UNC93B1: variants seen among roughly 807,000 people sequenced by gnomAD.
UNC93B1 encodes the protein unc-93B1 regulator of TLR signaling.
A neutral mutation model predicts 56.8 loss-of-function variants in UNC93B1; 33 were observed. The ratio of observed to expected loss-of-function variants is 0.58; its 90% CI spans 0.44 to 0.78. The LOEUF (loss-of-function observed/expected upper bound fraction) is 0.78. UNC93B1 is among the 30% of genes least tolerant of loss of function. UNC93B1 has a pLI of 0.00. For missense variants in UNC93B1, 673 were observed against 819.5 expected, an observed-to-expected ratio of 0.82 and a Z score of 2.18; for synonymous variants, 334 against 358.6, an observed-to-expected ratio of 0.93 and a Z score of 0.77.
chr11:68,000,217 C>T (rs1857024072), intron 3 of UNC93B1, among the ~76,000 whole-genome samples: 1 of 152,196 alleles, frequency 6.6e-6, no homozygotes, highest in Non-Finnish European at 1.5e-5. Context: ...ATAGAAGGGG[C>T]TTGGTGAGTG....
Position 67,999,514 on chromosome 11 carries a change from C to T in UNC93B1, c.554+5G>A, listed in dbSNP as rs1857008358. 2 of 1,548,586 alleles carry T rather than the reference C, an allele frequency of 1.3e-6. No homozygotes were observed. Among genetic ancestry groups the T allele is most frequent in the Non-Finnish European group, 1.7e-6 (2 of 1,145,128 alleles). ...GCCTCCTGCCCTGCTGCCCACCAGG[C>T]TCACCTGGTGATGTAGTTGCCCATG... On this transcript the variant is annotated splice_donor_5th_base_variant and intron_variant, in intron 4 of 10. Coordinates refer to ENST00000227471, the MANE Select transcript of UNC93B1 (RefSeq NM_030930.4).
At chr11:68,002,711 C>T (rs888441262) in intron 3 of UNC93B1, among the ~76,000 whole-genome samples, 15 of 152,192 alleles carry the variant, frequency 9.9e-5, no homozygotes, top group African/African-American at 3.4e-4. Context: ...CTGAAGGCCA[C>T]AGTGGCTCTG....
rs1857094857 is a variant in UNC93B1 at position 68,004,051 on chromosome 11, A to G, written c.-8T>C. ...CGGCGGCTCCGCCTCCATGGCCCGAACTACTGCGGACTCGCGGCGGTCGCC... is the reference window on the plus strand; with the variant it reads ...CGGCGGCTCCGCCTCCATGGCCCGAGCTACTGCGGACTCGCGGCGGTCGCC... On this transcript the variant is annotated 5_prime_UTR_variant, in exon 1 of 11. Transcript: ENST00000227471. The G allele has an allele frequency of 1.6e-5, 21 of 1,352,976 alleles. No individual in the cohort carries two copies. Among genetic ancestry groups the G allele is most frequent in the Non-Finnish European group, 1.9e-5 (20 of 1,050,442 alleles). 83.8% of individuals were successfully genotyped at this position (1,352,976 alleles called of 1,614,324 possible). A position where few individuals can be genotyped will look rare whatever the true frequency, so the allele number is the denominator to read the frequency against.
At chr11:67,993,852 A>G (rs1856888900) in intron 9 of UNC93B1, 58 bp from the exon 10 acceptor site, 3 of 1,130,500 alleles carry the variant, frequency 2.7e-6, no homozygotes, top group African/African-American at 1.5e-5. Context: ...GCCTGGGGCT[A>G]CCGAGCTACC....
Position 67,999,227 on chromosome 11 carries a change from G to A in UNC93B1, c.633C>T (p.Gly211=). The part of the protein sequence containing the change: ...GQGMKQRPPR[G]SHAPYLLVFQ... ...AGACCAGGAGATAGGGCGCGTGGGAGCCCCGCGGAGGCCGCTGCTTCATCC... is the reference window on the plus strand; with the variant it reads ...AGACCAGGAGATAGGGCGCGTGGGAACCCCGCGGAGGCCGCTGCTTCATCC... Residue 211 remains glycine (G), a synonymous_variant, in exon 5 of 11, where the codon GGC becomes GGT. Transcript: ENST00000227471. 6.2e-7 allele frequency: 1 copy of A among 1,613,550 alleles called. No homozygotes were observed. The highest frequency in any genetic ancestry group is 8.5e-7 in the Non-Finnish European group (1 of 1,179,890).
intron 4 of UNC93B1, 46 bp downstream of exon 4, chr11:67,999,473 C>T (rs371938503): frequency 1.9e-6 from 3 of 1,544,322 alleles, no homozygotes; most frequent in African/African-American, 2.7e-5. Context: ...AAAGTGGAGG[C>T]TTGGCCAGGT....
rs934800040 is a variant in UNC93B1, at chr11:68,003,571, G to C, written c.238+86C>G. ...GGGCAGCGGAGGGGAAGTGAGAGCG[G>C]GCGGGAGGCGGCGGCCCGCGGTTTC... On this transcript the variant is annotated intron_variant, in intron 2 of 10. Transcript: ENST00000227471. This position sits in a 1 kb window ranked among gnomAD's most constrained non-coding sequence, Gnocchi z 4.4. 1 of 1,459,068 alleles carries C rather than the reference G, an allele frequency of 6.9e-7. No homozygotes were observed. Among genetic ancestry groups the C allele is most frequent in the African/African-American group, 1.5e-5 (1 of 67,780 alleles). The allele number at this position is 1,459,068 out of a possible 1,614,324, so 90.4% of individuals were successfully genotyped here.
intron 3 of UNC93B1, among the ~76,000 whole-genome samples, chr11:68,002,222 G>T (rs866541474): frequency 1.6e-5 from 1 of 61,662 alleles, no homozygotes; most frequent in Non-Finnish European, 3.6e-5. Flanking sequence ...ACACACACAC[G>T]GGCACGTCCA....
chr11:68,001,323 T>C (rs939755978), intron 3 of UNC93B1, among the ~76,000 whole-genome samples: 13 of 152,238 alleles, frequency 8.5e-5, no homozygotes, highest in Non-Finnish European at 1.5e-4. Flanking sequence ...GGCTTGGACC[T>C]AGTAAAGACA....
At chr11:67,996,048 A>G in intron 8 of UNC93B1, 164 bp from the exon 9 acceptor site, 2 of 417,346 alleles carry the variant, frequency 4.8e-6, no homozygotes, top group South Asian at 6.3e-5. Context: ...GGGGTGCCTC[A>G]CCCCCCTGCG....
At position 67,996,657 on chromosome 11, in the gene UNC93B1, G is replaced by C; in HGVS notation, c.1034C>G (p.Pro345Arg). ...VRDYRLRHLV[P>R]FFIYSGFEVL... ...CTCGAAGCCGCTGTAGATAAAGAAAGGCACGAGGTGGCGCAGGCGGTAGTC... is the reference window on the plus strand; with the variant it reads ...CTCGAAGCCGCTGTAGATAAAGAAACGCACGAGGTGGCGCAGGCGGTAGTC... The change falls in exon 8 of 11, where the codon CCT becomes CGT. Residue 345 changes from proline (P) to arginine (R), a missense_variant. Physicochemically the swap from Pro to Arg is moderately radical, Grantham distance 103. Around this residue, in one of 3 missense-constraint regions of UNC93B1, gnomAD observed 155 missense variants for 268.3 expected, o/e 0.58. Transcript: ENST00000227471. 1 of 1,551,568 alleles carries C rather than the reference G, an allele frequency of 6.4e-7. No homozygotes were observed. The highest frequency in any genetic ancestry group is 8.7e-7 in the Non-Finnish European group (1 of 1,146,894).
intron 3 of UNC93B1, among the ~76,000 whole-genome samples, chr11:68,001,702 A>C (rs139482292): frequency 4.5e-4 from 68 of 152,120 alleles, no homozygotes; most frequent in African/African-American, 1.6e-3. Context: ...TAAAAAAAAA[A>C]AACAAGGAAA....
At chr11:67,992,895 G>A (rs192809) in intron 10 of UNC93B1, among the ~76,000 whole-genome samples, 1 of 148,908 alleles carries the variant, frequency 6.7e-6, no homozygotes, top group Non-Finnish European at 1.5e-5. Flanking sequence ...TCGAACTCCA[G>A]ATCTCAGAAC....
intron 8 of UNC93B1, 110 bp from the exon 9 acceptor site, chr11:67,995,994 A>T: frequency 4.3e-6 from 4 of 929,868 alleles, no homozygotes; most frequent in Non-Finnish European, 6.0e-6. Context: ...GGGTCCTAAG[A>T]GCCAGGGGGG....
In UNC93B1 at chr11:67,998,471, T is replaced by C. The variant is rs1288010740; in HGVS notation, c.688-19A>G. On this transcript the variant is annotated intron_variant, in intron 5 of 10. Transcript: ENST00000227471. ...AGCTCAGCTGCAGAAACAAGGGCAG[T>C]TGGGACCAGACTCAGGCACAGAGCC... 20 of 1,613,250 alleles carry C rather than the reference T, an allele frequency of 1.2e-5. No homozygotes were observed. Among genetic ancestry groups the C allele is most frequent in the South Asian group, 1.1e-5 (1 of 91,048 alleles).
chr11:67,997,216 C>A (rs1856962961), intron 7 of UNC93B1, among the ~76,000 whole-genome samples: 1 of 146,796 alleles, frequency 6.8e-6, no homozygotes, highest in African/African-American at 2.6e-5. Flanking sequence ...CCCCGCCTGA[C>A]ACAGCCACGG....
At position 67,997,926 on chromosome 11, in the gene UNC93B1, A is replaced by T. The variant is rs1450134218; in HGVS notation, c.782-127T>A. The stretch of plus-strand genomic sequence containing the variant: ...GGCGGGAGAGTGAGAGCAAGGGCAG[A>T]GTTCCTTCAGAGAGCAGTTTGGAGG... On this transcript the variant is annotated intron_variant, in intron 6 of 10. Transcript: ENST00000227471. 3 of 1,395,270 alleles carry T rather than the reference A, an allele frequency of 2.2e-6. No individual in the cohort carries two copies. In the East Asian group the frequency reaches 7.5e-5, roughly 35 times the overall value. 86.4% of individuals were successfully genotyped at this position (1,395,270 alleles called of 1,614,324 possible).
Position 67,996,694 on chromosome 11 carries a change from T to G in UNC93B1, c.997A>C (p.Lys333Gln). The G allele has an allele frequency of 6.4e-7, 1 of 1,551,992 alleles. No homozygotes were observed. The highest frequency in any genetic ancestry group is 8.7e-7 in the Non-Finnish European group (1 of 1,147,158). Residue 333 changes from lysine to glutamine, a missense_variant, in exon 8 of 11, where the codon AAG becomes CAG. Around this residue, in one of 3 missense-constraint regions of UNC93B1, gnomAD observed 438 missense variants for 465.9 expected, o/e 0.94. Coordinates refer to ENST00000227471, the MANE Select transcript of UNC93B1 (RefSeq NM_030930.4). ...GWGNIFQLPF[K>Q]HVRDYRLRHL... ...CGCAGGCGGTAGTCACGCACGTGCT[T>G]GAAGGGCAGCTGGAAGATGTTGCCC... is the stretch of plus-strand genomic sequence containing the variant.
rs1053338900 is a variant in UNC93B1 at position 67,996,608 on chromosome 11, G to A, written c.1083C>T (p.Ile361=). 3 of 1,548,004 alleles carry A rather than the reference G, an allele frequency of 1.9e-6. No individual in the cohort carries two copies. The highest frequency in any genetic ancestry group is 2.6e-6 in the Non-Finnish European group (3 of 1,144,206). ...CTTTGCAGGCTGTACTTACCAAGGC[G>A]ATACCAGTGCAGGCAAAGAGCACCT... is the stretch of plus-strand genomic sequence containing the variant. The part of the protein sequence containing the change: ...GFEVLFACTG[I]ALGYGVCSVG... The change falls in exon 8 of 11, where the codon ATC becomes ATT. Residue 361 remains isoleucine, a synonymous_variant. Coordinates refer to ENST00000227471, the MANE Select transcript of UNC93B1 (RefSeq NM_030930.4).
Sources: allele counts gnomAD v4.1 joint callset (sites outside exome capture counted in the v4.1 genomes callset), GRCh38; gene constraint gnomAD v4.1.1; regional missense constraint gnomAD v4.1.1; non-coding constraint Gnocchi (gnomAD v3.1); transcripts MANE v1.5; gene names NCBI Gene and HGNC (gene_info 2026-07-23, HGNC 2026-07-21).